YIF1B: variants seen among roughly 807,000 people sequenced by gnomAD.
The protein encoded by YIF1B is Yip1 interacting factor homolog B, membrane trafficking protein.
A neutral mutation model predicts 34.6 loss-of-function variants in YIF1B; 24 were observed. That is an observed-to-expected ratio of 0.69 (90% CI 0.50 to 0.98). The LOEUF (loss-of-function observed/expected upper bound fraction) is 0.98. Ranked by LOEUF, YIF1B falls within the 50% of genes least tolerant of loss-of-function variation. The pLI is 0.00. For missense variants in YIF1B, 368 were observed against 429.4 expected (o/e 0.86, Z 1.26); for synonymous variants, 186 against 184.8 (o/e 1.01, Z -0.05).
chr19:38,316,613 G>A (rs984689594), upstream of YIF1B, among the ~76,000 whole-genome samples: 4 of 152,234 alleles, frequency 2.6e-5, no homozygotes, highest in Admixed American at 6.5e-5. Context: ...GCAAGGAAAA[G>A]AGAAACATTT....
chr19:38,315,982 C>G, upstream of YIF1B: 2 of 1,368,722 alleles, frequency 1.5e-6, no homozygotes, highest in Non-Finnish European at 1.9e-6. Context: ...ACCCACGCCC[C>G]GCCGGCGAAG....
chr19:38,308,442 C>T (rs866134626), intron 5 of YIF1B, among the ~76,000 whole-genome samples: 5 of 152,026 alleles, frequency 3.3e-5, no homozygotes, highest in Non-Finnish European at 7.4e-5. Context: ...GGGCCAGGCC[C>T]GCACCTCAGA....
At chr19:38,314,150 C>G (rs957802828) in intron 1 of YIF1B, among the ~76,000 whole-genome samples, 1 of 151,550 alleles carries the variant, frequency 6.6e-6, no homozygotes, top group Non-Finnish European at 1.5e-5. Flanking sequence ...CTCAGCCGCC[C>G]GAGTAGCTGG....
chr19:38,306,482 A>G (rs1462782903), intron 7 of YIF1B, among the ~76,000 whole-genome samples: 1 of 152,038 alleles, frequency 6.6e-6, no homozygotes, highest in East Asian at 1.9e-4. Context: ...AAGTGCTGGG[A>G]TCACAGATGT....
At chr19:38,311,073 T>C (rs1035486829) in intron 1 of YIF1B, among the ~76,000 whole-genome samples, 3 of 152,038 alleles carry the variant, frequency 2.0e-5, no homozygotes, top group Middle Eastern at 3.4e-3. Flanking sequence ...GATAAAAACC[T>C]GATCAATGAA....
In YIF1B at chr19:38,315,303, C is replaced by G. The variant is rs944389901; in HGVS notation, c.58+557G>C. The G allele has an allele frequency of 1.7e-5, 16 of 925,258 alleles. No individual in the cohort carries two copies. The Admixed American group carries it at 2.3e-4, about 13-fold the overall frequency. 57.3% of individuals were successfully genotyped at this position (925,258 alleles called of 1,614,324 possible). On this transcript the variant is annotated intron_variant, in intron 1 of 7. Coordinates refer to ENST00000339413, the MANE Select transcript of YIF1B (RefSeq NM_001039672.3). ...CTTCCAGGAAGCTTCACTGACACCC[C>G]TAGGCTGGGTCATGTGCCTCCTCAG... is the stretch of plus-strand genomic sequence containing the variant.
At position 38,309,006 on chromosome 19, in the gene YIF1B, C is replaced by T. The variant is rs372065832; in HGVS notation, c.454G>A (p.Val152Ile). Residue 152 changes from valine to isoleucine, a missense_variant, in exon 4 of 8, where the codon GTC becomes ATC. Physicochemically the swap from Val to Ile is conservative, Grantham distance 29. Coordinates refer to ENST00000339413, the MANE Select transcript of YIF1B (RefSeq NM_001039672.3). ...QDTPVAPRFDVNAPDLYIPAM... is the reference protein window; with the variant it reads ...QDTPVAPRFDINAPDLYIPAM... ...GGAATGTAGAGGTCCGGGGCATTGACGTCAAAGCGGGGGGCCACCGGGGTG... is the reference window on the plus strand; with the variant it reads ...GGAATGTAGAGGTCCGGGGCATTGATGTCAAAGCGGGGGGCCACCGGGGTG... The T allele has an allele frequency of 4.4e-5, 69 of 1,579,042 alleles. No homozygotes were observed. The highest frequency in any genetic ancestry group is 1.1e-4 in the Admixed American group (6 of 54,998).
At chr19:38,314,636 T>A (rs1969468466) in intron 1 of YIF1B, among the ~76,000 whole-genome samples, 1 of 144,722 alleles carries the variant, frequency 6.9e-6, no homozygotes. Context: ...TTTTTTTTTT[T>A]TTTTTGAGGC....
upstream of YIF1B, among the ~76,000 whole-genome samples, chr19:38,316,395 C>G (rs116745133): frequency 0.06 from 9,170 of 152,058 alleles, 490 homozygotes; most frequent in East Asian, 0.29. Context: ...TGGCTTAACG[C>G]CTGTAATCTC....
In YIF1B at chr19:38,309,227, G is replaced by T. The variant is rs1356705102; in HGVS notation, c.399C>A (p.His133Gln). The stretch of plus-strand genomic sequence containing the variant: ...ACATTCCCCTGGGGGTGCTGACCTG[G>T]TGTAGGTAGGGGAAGAACAGCAGGC... ...KLGLLFFPYL[H>Q]QDWEVQYQQD... The change falls in exon 3 of 8, where the codon CAC (histidine) becomes CAA (glutamine). Residue 133 changes from histidine to glutamine, a missense_variant. Coordinates refer to ENST00000339413, the MANE Select transcript of YIF1B (RefSeq NM_001039672.3). The T allele has an allele frequency of 1.2e-6, 2 of 1,613,844 alleles. No homozygotes were observed. Among genetic ancestry groups the T allele is most frequent in the African/African-American group, 2.7e-5 (2 of 74,918 alleles).
At chr19:38,307,342 C>T in intron 7 of YIF1B, 86 bp downstream of exon 7, 1 of 1,446,122 alleles carries the variant, frequency 6.9e-7, no homozygotes, top group Admixed American at 1.9e-5. Flanking sequence ...CTGGTCTGAA[C>T]CCCACACCTG....
rs912583875 is a variant in YIF1B at position 38,303,975 on chromosome 19, G to T, written c.*1377C>A. 6.6e-6 allele frequency among the ~76,000 whole-genome samples: 1 copy of T among 152,138 alleles called. No homozygotes were observed. The highest frequency in any genetic ancestry group is 2.4e-5 in the African/African-American group (1 of 41,444). On this transcript the variant is annotated 3_prime_UTR_variant, in exon 8 of 8. Transcript: ENST00000339413. ...TTCAAGAACGAGCATCTGAGCTTTT[G>T]GGGGAAACCTGTAGCTCCCCGAATG...
chr19:38,308,590 G>A (rs192586980), intron 5 of YIF1B, among the ~76,000 whole-genome samples: 86 of 152,214 alleles, frequency 5.6e-4, no homozygotes, highest in African/African-American at 2.0e-3. Context: ...AGGGGATGGT[G>A]ACGCAATGCA....
rs767697507 is a variant in YIF1B, at chr19:38,309,367, C to T, written c.297+38G>A. 4.5e-5 allele frequency: 72 copies of T among 1,613,042 alleles called. No individual in the cohort carries two copies. The Admixed American group carries it at 7.8e-4, about 18-fold the overall frequency. On this transcript the variant is annotated intron_variant, in intron 2 of 7. Transcript: ENST00000339413. ...GCTCAAGTCTGAAGCCCTGTGGCCC[C>T]GTGCATCCCCCCACTCCCACCAGCC...
rs759866150 is a variant in YIF1B at position 38,305,449 on chromosome 19, C to T, written c.848G>A (p.Arg283His). 2 of 1,609,720 alleles carry T rather than the reference C, an allele frequency of 1.2e-6. No individual in the cohort carries two copies. The highest frequency in any genetic ancestry group is 1.3e-5 in the African/African-American group (1 of 75,014). ...CATGCGCAGCTGGTTCCGGGCCCCA[C>T]GCACCGGGACCCCCTCAGCTGCTGC... The part of the protein sequence containing the change: ...ADAAAEGVPV[R>H]GARNQLRMYL... The change falls in exon 8 of 8, where the codon CGT (arginine) becomes CAT (histidine). Residue 283 changes from arginine (R) to histidine (H), a missense_variant. Around this residue, in one of 3 missense-constraint regions of YIF1B, gnomAD observed 208 missense variants for 247.8 expected, o/e 0.84. Coordinates refer to ENST00000339413, the MANE Select transcript of YIF1B (RefSeq NM_001039672.3).
At chr19:38,314,750 A>G (rs1184671167) in intron 1 of YIF1B, among the ~76,000 whole-genome samples, 1 of 148,600 alleles carries the variant, frequency 6.7e-6, no homozygotes, top group Non-Finnish European at 1.5e-5. Flanking sequence ...AGTAGCCGGG[A>G]TTACAGGTGC....
upstream of YIF1B, chr19:38,320,256 G>A: frequency 6.2e-7 from 1 of 1,606,310 alleles, no homozygotes. Flanking sequence ...TCGCCAGCAC[G>A]CTGATCACCA....
At position 38,304,374 on chromosome 19, in the gene YIF1B, G is replaced by A; in HGVS notation, c.*978C>T. On this transcript the variant is annotated 3_prime_UTR_variant, in exon 8 of 8. Coordinates refer to ENST00000339413, the MANE Select transcript of YIF1B (RefSeq NM_001039672.3). The stretch of plus-strand genomic sequence containing the variant: ...ACCAACCACCCAACTTCTCTCCACA[G>A]CCCTGGAGCCCACCTCCCAGAAGCC... The A allele has an allele frequency of 6.3e-7, 1 of 1,588,312 alleles. No homozygotes were observed. The highest frequency in any genetic ancestry group is 1.3e-5 in the African/African-American group (1 of 74,838).
Position 38,315,863 on chromosome 19 carries a change from A to G in YIF1B, c.55T>C (p.Trp19Arg), listed in dbSNP as rs1179025225. 7 of 1,472,494 alleles carry G rather than the reference A, an allele frequency of 4.8e-6. No individual in the cohort carries two copies. In the African/African-American group the frequency reaches 1.1e-4, roughly 22 times the overall value. The allele number at this position is 1,472,494 out of a possible 1,614,324, so 91.2% of individuals were successfully genotyped here. The part of the protein sequence containing the change: ...AAAGTPRLRK[W>R]PSKRRIPVSQ... ...ATCTCCTCCGCCGGCCACGTACGCC[A>G]CTTACGCAGCCGGGGCGTCCCCGCA... Residue 19 changes from tryptophan to arginine, a missense_variant, in exon 1 of 8, where the codon TGG (tryptophan) becomes CGG (arginine). Trp to Arg is a moderately radical substitution (Grantham distance 101, BLOSUM62 -3). Transcript: ENST00000339413.
Sources: allele counts gnomAD v4.1 joint callset (sites outside exome capture counted in the v4.1 genomes callset), GRCh38; gene constraint gnomAD v4.1.1; regional missense constraint gnomAD v4.1.1; transcripts MANE v1.5; gene names NCBI Gene and HGNC (gene_info 2026-07-23, HGNC 2026-07-21).